Variants in SHISA9 observed in about 807,000 individuals in gnomAD.
The protein encoded by SHISA9 is shisa family member 9, also known as protein shisa-9.
Under a neutral mutation model 38.0 loss-of-function variants are expected in SHISA9, and 13 were observed. The observed-to-expected ratio is 0.34, with a 90% CI of 0.22 to 0.54. The LOEUF is 0.54. SHISA9 is among the 20% of genes least tolerant of loss of function. The pLI is 0.91. For missense variants in SHISA9, 538 were observed against 575.8 expected (o/e 0.93, Z 0.67); for synonymous variants, 275 against 242.0 (o/e 1.14, Z -1.27).
chr16:13,429,056 C>G, the SHISA9 span, among the ~76,000 whole-genome samples: 1 of 152,108 alleles, frequency 6.6e-6, no homozygotes, highest in Non-Finnish European at 1.5e-5. Context: ...CGTGAGCCAC[C>G]AAACCCAGCT....
chr16:13,018,818 C>T (rs1244591206), intron 2 of SHISA9, among the ~76,000 whole-genome samples: 1 of 152,142 alleles, frequency 6.6e-6, no homozygotes, highest in Non-Finnish European at 1.5e-5. Context: ...TGATTCAGTT[C>T]AGGGGGTAAT....
Position 13,235,475 on chromosome 16 carries a change from C to G in SHISA9, c.*66C>G, listed in dbSNP as rs2051374216. ...GAGAGAGGCAAAAAACAACCCCGCC[C>G]ACACCCTCCCCATCCTCCCCTAATA... On this transcript the variant is annotated 3_prime_UTR_variant, in exon 5 of 5. Transcript: ENST00000558583. The G allele has an allele frequency of 1.4e-6, 2 of 1,460,454 alleles. No homozygotes were observed. Among genetic ancestry groups the G allele is most frequent in the Non-Finnish European group, 1.8e-6 (2 of 1,105,782 alleles). The allele number at this position is 1,460,454 out of a possible 1,614,324, so 90.5% of individuals were successfully genotyped here. A position where few individuals can be genotyped will look rare whatever the true frequency, so the allele number is the denominator to read the frequency against.
chr16:13,258,447 G>T, the SHISA9 span: 2 of 152,202 alleles, frequency 1.3e-5, no homozygotes, highest in Non-Finnish European at 2.9e-5. Flanking sequence ...TGAACAGTAA[G>T]AGTTGGTTCT....
chr16:13,281,563 T>G, the SHISA9 span, among the ~76,000 whole-genome samples: 1 of 76,732 alleles, frequency 1.3e-5, no homozygotes, highest in Non-Finnish European at 3.2e-5. Context: ...ATTCCTCTGT[T>G]TTTTTTTTTC....
chr16:13,158,519 C>T (rs1044700221), intron 2 of SHISA9, among the ~76,000 whole-genome samples: 12 of 152,122 alleles, frequency 7.9e-5, no homozygotes, highest in African/African-American at 2.2e-4. Flanking sequence ...TGGATATTGC[C>T]GCAGTGTTAC....
chr16:13,119,021 C>T (rs773742519), intron 2 of SHISA9, among the ~76,000 whole-genome samples: 15 of 151,948 alleles, frequency 9.9e-5, no homozygotes, highest in Non-Finnish European at 1.6e-4. Flanking sequence ...CATGAGCCAC[C>T]GTGCCTGGCC....
At chr16:13,025,688 G>T (rs181223456) in intron 2 of SHISA9, among the ~76,000 whole-genome samples, 3 of 152,164 alleles carry the variant, frequency 2.0e-5, no homozygotes, top group African/African-American at 7.2e-5. Context: ...TCTCATAGAC[G>T]TAGGTCACAT....
chr16:13,508,302 A>G, the SHISA9 span, among the ~76,000 whole-genome samples: 10 of 152,222 alleles, frequency 6.6e-5, no homozygotes, highest in Admixed American at 2.0e-4. Context: ...TAATAGCTGC[A>G]TAATGCACCA....
chr16:12,958,773 C>T (rs1292708048), intron 2 of SHISA9, among the ~76,000 whole-genome samples: 3 of 152,144 alleles, frequency 2.0e-5, no homozygotes, highest in Non-Finnish European at 4.4e-5. Context: ...AGAAGACTTT[C>T]CTGAAATTAT....
the SHISA9 span, among the ~76,000 whole-genome samples, chr16:13,502,001 C>CA: frequency 8.5e-3 from 1,099 of 129,030 alleles, 3 homozygotes; most frequent in Admixed American, 0.017. Flanking sequence ...AACTCCGTAT[C>CA]AAAAAAAAAA....
the SHISA9 span, among the ~76,000 whole-genome samples, chr16:13,403,776 G>A: frequency 1.6e-4 from 24 of 152,302 alleles, no homozygotes; most frequent in African/African-American, 5.3e-4. Flanking sequence ...TGAAAAGATG[G>A]ATGGAGAAAT....
At chr16:13,294,408 C>T in the SHISA9 span, among the ~76,000 whole-genome samples, 2 of 152,296 alleles carry the variant, frequency 1.3e-5, no homozygotes, top group East Asian at 3.9e-4. Flanking sequence ...CATTCCTCTT[C>T]TTCCTGGACC....
the SHISA9 span, among the ~76,000 whole-genome samples, chr16:13,359,465 A>C: frequency 2.0e-5 from 3 of 152,244 alleles, no homozygotes; most frequent in Admixed American, 6.5e-5. Context: ...CCTAGGTGAC[A>C]GAGTGAGACT....
the SHISA9 span, among the ~76,000 whole-genome samples, chr16:13,390,624 C>G: frequency 6.6e-6 from 1 of 152,214 alleles, no homozygotes; most frequent in Non-Finnish European, 1.5e-5. Context: ...CCTCCTGCCT[C>G]TTTCTTCAGT....
At chr16:13,439,419 C>T in the SHISA9 span, among the ~76,000 whole-genome samples, 9 of 152,178 alleles carry the variant, frequency 5.9e-5, no homozygotes, top group Non-Finnish European at 1.2e-4. Context: ...TGTTAATTAA[C>T]TTGATTGTGG....
At position 13,089,565 on chromosome 16, in the gene SHISA9, C is replaced by G. The variant is rs1353415769; in HGVS notation, c.692-113829C>G. Among the ~76,000 whole-genome samples the G allele has an allele frequency of 2.6e-5, 4 of 152,324 alleles. No homozygotes were observed. In the East Asian group the frequency reaches 7.7e-4, roughly 29 times the overall value. Reference sequence around the variant, plus strand: ...GTGTCAAGGAATTTATCCATTTCTTCTAGATTTTCTAGTTTATTTGCATAG... The same window carrying G: ...GTGTCAAGGAATTTATCCATTTCTTGTAGATTTTCTAGTTTATTTGCATAG... On this transcript the variant is annotated intron_variant, in intron 2 of 4. Coordinates refer to ENST00000558583, the MANE Select transcript of SHISA9 (RefSeq NM_001145204.3).
At chr16:13,401,125 T>C in the SHISA9 span, among the ~76,000 whole-genome samples, 1 of 152,260 alleles carries the variant, frequency 6.6e-6, no homozygotes, top group East Asian at 1.9e-4. Flanking sequence ...CCACAGAATC[T>C]CCCAAGGATT....
chr16:13,460,457 A>T, the SHISA9 span, among the ~76,000 whole-genome samples: 1 of 152,174 alleles, frequency 6.6e-6, no homozygotes, highest in Non-Finnish European at 1.5e-5. Context: ...CAAGATCAGA[A>T]GTTATGTGAG....
At chr16:12,953,208 TCAACAACAACAACAA>T (rs71393724) in intron 2 of SHISA9, among the ~76,000 whole-genome samples, 41 of 148,672 alleles carry the variant, frequency 2.8e-4, no homozygotes, top group African/African-American at 8.9e-4. Flanking sequence ...AAAAAACCCC[TCAACAACAACAACAA>T]CAACAACAAC....
Sources: gnomAD v4.1 joint callset for allele counts (sites outside exome capture counted in the v4.1 genomes callset) on GRCh38, gnomAD v4.1.1 for gene constraint, MANE v1.5 for transcripts, NCBI Gene and HGNC (gene_info 2026-07-23, HGNC 2026-07-21) for gene names.